The following ADRA1A variants were observed in gnomAD, a reference collection of about 807,000 sequenced individuals.
ADRA1A encodes the protein alpha-1A adrenergic receptor.
In ADRA1A, 31 loss-of-function variants were observed where a neutral mutation model predicts 29.6. The ratio of observed to expected loss-of-function variants is 1.05; its 90% CI spans 0.79 to 1.41. The LOEUF is 1.41. Among genes scored for constraint, ADRA1A ranks in the 40% most tolerant of loss-of-function variants. The pLI is 0.00. For missense variants in ADRA1A, 619 were observed against 601.1 expected (o/e 1.03, Z -0.31); for synonymous variants, 311 against 254.3 (o/e 1.22, Z -2.12).
downstream of ADRA1A, among the ~76,000 whole-genome samples, chr8:26,765,523 A>G (rs916324240): frequency 1.3e-5 from 2 of 152,232 alleles, no homozygotes; most frequent in African/African-American, 4.8e-5. Context: ...GCAGGTGCAA[A>G]CAGTGTTCCA....
chr8:26,834,726 C>T, intron 2 of ADRA1A, among the ~76,000 whole-genome samples: 2 of 152,332 alleles, frequency 1.3e-5, no homozygotes, highest in South Asian at 4.1e-4. Context: ...TCTCCAAGGG[C>T]AGAGTATCAA....
At chr8:26,798,315 T>G (rs565254057) in intron 2 of ADRA1A, among the ~76,000 whole-genome samples, 1 of 152,308 alleles carries the variant, frequency 6.6e-6, no homozygotes, top group South Asian at 2.1e-4. Flanking sequence ...CCAAGTGATT[T>G]GCTCTTTCAG....
intron 2 of ADRA1A, among the ~76,000 whole-genome samples, chr8:26,749,874 C>A (rs1804849982): frequency 6.6e-6 from 1 of 152,154 alleles, no homozygotes; most frequent in Admixed American, 6.5e-5. Context: ...CGATCAGGGC[C>A]CCCCTTCCAG....
downstream of ADRA1A, chr8:26,766,007 G>A: frequency 6.2e-7 from 1 of 1,610,984 alleles, no homozygotes; most frequent in East Asian, 2.2e-5. Context: ...GCTTCCAGCT[G>A]ACTCCTCATT....
At chr8:26,752,686 C>T (rs138184244), downstream of ADRA1A, among the ~76,000 whole-genome samples, 671 of 152,238 alleles carry the variant, frequency 4.4e-3, 7 homozygotes, top group African/African-American at 0.015. Flanking sequence ...TATCAGTTGA[C>T]TTAGATGCCA....
chr8:26,811,036 C>T (rs1357026253), intron 2 of ADRA1A, among the ~76,000 whole-genome samples: 1 of 152,180 alleles, frequency 6.6e-6, no homozygotes, highest in Non-Finnish European at 1.5e-5. Context: ...GCTTTGAATC[C>T]ATACAAGACA....
chr8:26,810,045 G>T (rs1016849848), intron 2 of ADRA1A, among the ~76,000 whole-genome samples: 1 of 152,168 alleles, frequency 6.6e-6, no homozygotes, highest in Non-Finnish European at 1.5e-5. Context: ...AAAACCGGCT[G>T]CCCTTATTAC....
intron 2 of ADRA1A, chr8:26,757,035 A>G: frequency 1.4e-6 from 1 of 706,634 alleles, no homozygotes; most frequent in South Asian, 1.5e-5. Context: ...CTTTCTCCAA[A>G]CACTGAAAGA....
chr8:26,750,784 T>C (rs1334390009), intron 2 of ADRA1A, among the ~76,000 whole-genome samples: 1 of 152,154 alleles, frequency 6.6e-6, no homozygotes, highest in Non-Finnish European at 1.5e-5. Flanking sequence ...AATTCTAAGT[T>C]GTAGGCTGGG....
rs141334202 is a variant in ADRA1A, at chr8:26,830,895, C to T, written c.883+33192G>A. 8.5e-4 allele frequency among the ~76,000 whole-genome samples: 130 copies of T among 152,204 alleles called. 1 individual carries two copies. The highest frequency in any genetic ancestry group is 2.8e-3 in the African/African-American group (118 of 41,544). On this transcript the variant is annotated intron_variant, in intron 2 of 2. Transcript: ENST00000380573. ...CAGATGAGGTTAGGGTCATTGCGGGCGGGAGGGAGTCTTTCTCACCTTTTT... is the reference window on the plus strand; with the variant it reads ...CAGATGAGGTTAGGGTCATTGCGGGTGGGAGGGAGTCTTTCTCACCTTTTT...
chr8:26,818,981 C>A (rs1468383035), intron 2 of ADRA1A, among the ~76,000 whole-genome samples: 24 of 152,138 alleles, frequency 1.6e-4, no homozygotes, highest in Non-Finnish European at 3.5e-4. Context: ...GACATCCAGA[C>A]TTTTGATGTT....
intron 2 of ADRA1A, among the ~76,000 whole-genome samples, chr8:26,804,474 A>C (rs1045152170): frequency 1.3e-5 from 2 of 152,208 alleles, no homozygotes; most frequent in African/African-American, 4.8e-5. Context: ...TCATGAATGA[A>C]AGAAAAGAGG....
chr8:26,852,326 G>A (rs1812698878), intron 2 of ADRA1A, among the ~76,000 whole-genome samples: 1 of 152,076 alleles, frequency 6.6e-6, no homozygotes. Context: ...TAAACATTCT[G>A]GGTAAGCTAA....
chr8:26,864,398 C>G lies in ADRA1A; in HGVS notation c.572G>C (p.Gly191Ala), dbSNP rs556158813. Residue 191 changes from glycine to alanine, a missense_variant, in exon 2 of 3, where the codon GGC (glycine) becomes GCC (alanine). By Grantham distance (60) the Gly-to-Ala change is moderately conservative (BLOSUM62 0). Coordinates refer to ENST00000380573, the MANE Select transcript of ADRA1A (RefSeq NM_000680.4). The surrounding 1 kb of genome is among the most constrained non-coding windows in gnomAD (Gnocchi z 8.1). Reference sequence around the variant, plus strand: ...GATGGCCAGAGGCAGGTAGAAGGAGCCCAGCGCTGAGAAGAGCACGTAGCC... The same window carrying G: ...GATGGCCAGAGGCAGGTAGAAGGAGGCCAGCGCTGAGAAGAGCACGTAGCC... ...EPGYVLFSAL[G>A]SFYLPLAIIL... is the part of the protein sequence containing the mutation. The G allele has an allele frequency of 1.2e-6, 2 of 1,613,576 alleles. No homozygotes were observed. Among genetic ancestry groups the G allele is most frequent in the South Asian group, 2.2e-5 (2 of 91,078 alleles).
At chr8:26,800,519 C>T (rs940393147) in intron 2 of ADRA1A, among the ~76,000 whole-genome samples, 2 of 152,056 alleles carry the variant, frequency 1.3e-5, no homozygotes, top group African/African-American at 4.8e-5. Flanking sequence ...TGGACATATT[C>T]CCAGACACAT....
chr8:26,854,976 G>T (rs1244619789), intron 2 of ADRA1A, among the ~76,000 whole-genome samples: 1 of 152,218 alleles, frequency 6.6e-6, no homozygotes, highest in South Asian at 2.1e-4. Flanking sequence ...CATCCATAAA[G>T]ATGAAGGTAG....
Position 26,770,523 on chromosome 8 carries a change from T to G in ADRA1A, c.1027A>C (p.Ile343Leu). 1 of 1,614,204 alleles carries G rather than the reference T, an allele frequency of 6.2e-7. No homozygotes were observed. Among genetic ancestry groups the G allele is most frequent in the Non-Finnish European group, 8.5e-7 (1 of 1,180,042 alleles). The change falls in exon 3 of 3, where the codon ATC (isoleucine) becomes CTC (leucine). Residue 343 changes from isoleucine (I) to leucine (L), a missense_variant. Physicochemically the swap from Ile to Leu is conservative, Grantham distance 5. Coordinates refer to ENST00000380573, the MANE Select transcript of ADRA1A (RefSeq NM_000680.4). The stretch of plus-strand genomic sequence containing the variant: ...GACTGCTTTCTGCAGAGACACTGGA[T>G]TCTCAAGACATTCTGAAAGGCCTTT... The part of the protein sequence containing the change: ...FKKAFQNVLR[I>L]QCLCRKQSSK...
exon 3 of ADRA1A, chr8:26,748,487 T>A (rs1804785605): frequency 3.9e-6 from 1 of 259,046 alleles, no homozygotes; most frequent in South Asian, 3.6e-5. Flanking sequence ...ACGCCTGTAA[T>A]CCCAGCACTT....
intron 2 of ADRA1A, among the ~76,000 whole-genome samples, chr8:26,798,388 GA>G (rs1808332373): frequency 6.6e-6 from 1 of 152,088 alleles, no homozygotes; most frequent in African/African-American, 2.4e-5. Context: ...AACCCATAAA[GA>G]AAAAATGCTT....
Sources: gnomAD v4.1 joint callset for allele counts (sites outside exome capture counted in the v4.1 genomes callset) on GRCh38, gnomAD v4.1.1 for gene constraint, Gnocchi (gnomAD v3.1) non-coding constraint, MANE v1.5 for transcripts, NCBI Gene and HGNC (gene_info 2026-07-23, HGNC 2026-07-21) for gene names.